Variants in ANO10 observed in about 807,000 individuals in gnomAD.
ANO10 encodes anoctamin 10, also known as anoctamin-10.
In ANO10, 77 loss-of-function variants were observed where a neutral mutation model predicts 74.7. That is an observed-to-expected ratio of 1.03 (90% confidence interval 0.86 to 1.25). The LOEUF is 1.25. Ranked by LOEUF, ANO10 falls within the 50% of genes most tolerant of loss-of-function variation. The probability of loss-of-function intolerance (pLI) is 0.00; values close to 1 mark genes in which losing one functional copy is unlikely to be tolerated. For synonymous variants in ANO10, 279 were observed against 284.9 expected, an observed-to-expected ratio of 0.98 and a Z score of 0.21; for missense variants, 721 against 778.1, an observed-to-expected ratio of 0.93 and a Z score of 0.87.
rs774400370 is a variant in ANO10 at position 43,598,678 on chromosome 3, CAG to C, written c.338-14_338-13del. The C allele has an allele frequency of 1.0e-4, 159 of 1,573,980 alleles. No individual in the cohort carries two copies. The highest frequency in any genetic ancestry group is 1.3e-4 in the Non-Finnish European group (150 of 1,152,118). On this transcript the variant is annotated splice_polypyrimidine_tract_variant and intron_variant, in intron 3 of 12. Coordinates refer to ENST00000292246, the MANE Select transcript of ANO10 (RefSeq NM_018075.5). The stretch of plus-strand genomic sequence containing the variant: ...ATCATCATTGTTATCTAAAATAAAA[CAG>C]AAATTACCAGATTTTAGTAATAATC...
At chr3:43,664,205 G>A (rs903883464) in intron 1 of ANO10, among the ~76,000 whole-genome samples, 3 of 151,906 alleles carry the variant, frequency 2.0e-5, no homozygotes, top group Non-Finnish European at 4.4e-5. Flanking sequence ...AGAACAGAAC[G>A]GAGTCCTCAG....
chr3:43,609,630 C>G (rs748810479), intron 1 of ANO10, among the ~76,000 whole-genome samples: 1 of 152,150 alleles, frequency 6.6e-6, no homozygotes, highest in Non-Finnish European at 1.5e-5. Flanking sequence ...CTCATACAAA[C>G]CTAGATGGCA....
chr3:43,650,809 A>G (rs1411459513), intron 1 of ANO10, among the ~76,000 whole-genome samples: 1 of 152,170 alleles, frequency 6.6e-6, no homozygotes, highest in East Asian at 1.9e-4. Flanking sequence ...TGTGTGTTGT[A>G]CTAACATTAA....
At chr3:43,461,726 A>G (rs557337931) in intron 11 of ANO10, among the ~76,000 whole-genome samples, 2 of 152,352 alleles carry the variant, frequency 1.3e-5, no homozygotes, top group South Asian at 2.1e-4. Context: ...TGTAAGTCCA[A>G]TTAAGCCTCC....
At chr3:43,689,570 C>T (rs1055965380) in intron 1 of ANO10, 8 of 152,106 alleles carry the variant, frequency 5.3e-5, no homozygotes, top group African/African-American at 1.9e-4. Flanking sequence ...ATTACTATGC[C>T]TAAGAGATTA....
intron 11 of ANO10, among the ~76,000 whole-genome samples, chr3:43,480,457 C>G (rs1214670321): frequency 6.6e-6 from 1 of 152,090 alleles, no homozygotes; most frequent in South Asian, 2.1e-4. Flanking sequence ...TGAACAGACC[C>G]CGTGTAAAGG....
intron 1 of ANO10, chr3:43,691,291 C>T: frequency 2.8e-6 from 1 of 357,636 alleles, no homozygotes; most frequent in East Asian, 4.1e-5. Flanking sequence ...CGGGAGGCCG[C>T]CTTGACCCCG....
intron 11 of ANO10, among the ~76,000 whole-genome samples, chr3:43,482,220 C>A (rs1280810932): frequency 6.6e-6 from 1 of 151,950 alleles, no homozygotes; most frequent in Non-Finnish European, 1.5e-5. Flanking sequence ...GAGCCACCGC[C>A]CCCAGCCAAT....
At chr3:43,597,038 G>C (rs1018343205) in intron 4 of ANO10, among the ~76,000 whole-genome samples, 1 of 152,190 alleles carries the variant, frequency 6.6e-6, no homozygotes, top group Non-Finnish European at 1.5e-5. Context: ...GGCCATCAGA[G>C]AAATGCAAAT....
chr3:43,415,177 A>G (rs556445265), intron 12 of ANO10, among the ~76,000 whole-genome samples: 4 of 151,962 alleles, frequency 2.6e-5, no homozygotes, highest in Admixed American at 2.6e-4. Flanking sequence ...GGGTTTCACC[A>G]TGCTGGCCAG....
At chr3:43,460,498 G>A (rs923710850) in intron 11 of ANO10, among the ~76,000 whole-genome samples, 4 of 152,180 alleles carry the variant, frequency 2.6e-5, no homozygotes, top group African/African-American at 9.7e-5. Flanking sequence ...TTCTGGCATT[G>A]GGGGATGGGC....
At chr3:43,571,579 G>T (rs569342071) in intron 7 of ANO10, among the ~76,000 whole-genome samples, 2 of 151,362 alleles carry the variant, frequency 1.3e-5, no homozygotes, top group African/African-American at 4.9e-5. Flanking sequence ...GTAAACTATC[G>T]CAAGAACAAA....
In ANO10 at chr3:43,529,840, TC is replaced by T. The variant is rs533128376; in HGVS notation, c.1797+19879del. Among the ~76,000 whole-genome samples the T allele has an allele frequency of 5.7e-3, 862 of 152,184 alleles. 9 individuals carry two copies. The highest frequency in any genetic ancestry group is 0.02 in the African/African-American group (812 of 41,536). Reference sequence around the variant, plus strand: ...AAAACTAACTTTCCTAAATACTTGCTCCCTACCAAGGAAAGAAACATGGTAA... The same window carrying T: ...AAAACTAACTTTCCTAAATACTTGCTCCTACCAAGGAAAGAAACATGGTAA... On this transcript the variant is annotated intron_variant, in intron 11 of 12. Coordinates refer to ENST00000292246, the MANE Select transcript of ANO10 (RefSeq NM_018075.5).
chr3:43,635,295 C>A (rs959187932), intron 1 of ANO10, among the ~76,000 whole-genome samples: 1 of 152,144 alleles, frequency 6.6e-6, no homozygotes, highest in Non-Finnish European at 1.5e-5. Context: ...ATTTGAGTAC[C>A]AGAACCCTCT....
chr3:43,376,041 C>G (rs1022413206), intron 12 of ANO10, among the ~76,000 whole-genome samples: 14 of 152,122 alleles, frequency 9.2e-5, no homozygotes, highest in African/African-American at 3.1e-4. Context: ...TGTGTGTGCC[C>G]CAGATGTGTT....
intron 1 of ANO10, among the ~76,000 whole-genome samples, chr3:43,610,164 GAC>G (rs2149510054): frequency 9.0e-6 from 1 of 110,940 alleles, no homozygotes; most frequent in South Asian, 2.8e-4. Flanking sequence ...TAAAAACTAA[GAC>G]ACAAATACAT....
chr3:43,484,084 C>T (rs1254848172), intron 11 of ANO10, among the ~76,000 whole-genome samples: 1 of 152,082 alleles, frequency 6.6e-6, no homozygotes, highest in African/African-American at 2.4e-5. Flanking sequence ...TGCAGGCACA[C>T]ACCACTATGC....
At chr3:43,669,359 A>G (rs1366540588) in intron 1 of ANO10, among the ~76,000 whole-genome samples, 16 of 152,170 alleles carry the variant, frequency 1.1e-4, no homozygotes, top group Admixed American at 1.0e-3. Context: ...GCATTCCTGG[A>G]GGTAAAACTC....
chr3:43,647,207 GATAA>G (rs1248857959), intron 1 of ANO10, among the ~76,000 whole-genome samples: 1 of 138,016 alleles, frequency 7.2e-6, no homozygotes, highest in African/African-American at 2.6e-5. Context: ...TATACCCATA[GATAA>G]ATAGATAGAT....
Sources: allele counts gnomAD v4.1 joint callset (sites outside exome capture counted in the v4.1 genomes callset), GRCh38; gene constraint gnomAD v4.1.1; transcripts MANE v1.5; gene names NCBI Gene and HGNC (gene_info 2026-07-23, HGNC 2026-07-21).